Variants in CACNA2D3 observed in about 807,000 individuals in gnomAD.
The protein encoded by CACNA2D3 is voltage-dependent calcium channel subunit alpha-2/delta-3.
In CACNA2D3, 60 loss-of-function variants were observed where a neutral mutation model predicts 160.6. The observed-to-expected ratio is 0.37, with a 90% CI of 0.30 to 0.46. The LOEUF is 0.46. Among genes scored for constraint, CACNA2D3 ranks in the 20% least tolerant of loss-of-function variants. The probability of loss-of-function intolerance (pLI) is 1.00; values close to 1 mark genes in which losing one functional copy is unlikely to be tolerated. For synonymous variants in CACNA2D3, 558 were observed against 492.9 expected, an observed-to-expected ratio of 1.13 and a Z score of -1.75; for missense variants, 1,205 against 1,365.0, an observed-to-expected ratio of 0.88 and a Z score of 1.85.
chr3:55,074,361 C>A lies in CACNA2D3; in HGVS notation c.*155C>A. ...GATTTTAAACTGTGCGTGATATAAA[C>A]TCTTAAAGATATGTTGACAAAAAGT... On this transcript the variant is annotated 3_prime_UTR_variant, in exon 38 of 38. Transcript: ENST00000474759. 1.6e-6 allele frequency: 1 copy of A among 628,324 alleles called. No individual in the cohort carries two copies. Among genetic ancestry groups the A allele is most frequent in the Middle Eastern group, 2.6e-4 (1 of 3,904 alleles). 38.9% of individuals were successfully genotyped at this position (628,324 alleles called of 1,614,324 possible).
At chr3:54,509,561 C>G (rs1209351651) in intron 5 of CACNA2D3, among the ~76,000 whole-genome samples, 1 of 152,088 alleles carries the variant, frequency 6.6e-6, no homozygotes, top group African/African-American at 2.4e-5. Context: ...TGCTCTGGAC[C>G]TAGAGAAATA....
chr3:54,589,032 G>A (rs2106752412), intron 9 of CACNA2D3, among the ~76,000 whole-genome samples: 1 of 152,010 alleles, frequency 6.6e-6, no homozygotes, highest in Middle Eastern at 3.4e-3. Flanking sequence ...GTATTCTAGA[G>A]TTTACCTAGG....
chr3:54,570,331 A>T (rs1473418209), intron 8 of CACNA2D3, among the ~76,000 whole-genome samples: 2 of 152,138 alleles, frequency 1.3e-5, no homozygotes, highest in Non-Finnish European at 2.9e-5. Flanking sequence ...CCACACAGCC[A>T]CACCGCCACA....
At chr3:54,138,839 T>C (rs546130324) in intron 2 of CACNA2D3, among the ~76,000 whole-genome samples, 5 of 152,354 alleles carry the variant, frequency 3.3e-5, no homozygotes, top group African/African-American at 1.2e-4. Context: ...TGTGTTTGTT[T>C]TTTGTTTTCT....
intron 4 of CACNA2D3, among the ~76,000 whole-genome samples, chr3:54,493,590 C>A (rs905413424): frequency 1.3e-5 from 2 of 152,168 alleles, no homozygotes; most frequent in African/African-American, 4.8e-5. Context: ...TATGCCTTTA[C>A]TTCTCCTGTC....
intron 31 of CACNA2D3, among the ~76,000 whole-genome samples, chr3:54,990,624 C>T (rs953199004): frequency 2.6e-5 from 4 of 152,304 alleles, no homozygotes; most frequent in Admixed American, 1.3e-4. Context: ...AAGAGGAGAG[C>T]ACTACCTCCC....
At chr3:54,556,772 A>G (rs1378873840) in intron 5 of CACNA2D3, among the ~76,000 whole-genome samples, 1 of 152,200 alleles carries the variant, frequency 6.6e-6, no homozygotes, top group Non-Finnish European at 1.5e-5. Flanking sequence ...ACAAGTGACC[A>G]TAAGAAAACA....
At chr3:54,295,058 G>A (rs563905734) in intron 2 of CACNA2D3, among the ~76,000 whole-genome samples, 1 of 152,170 alleles carries the variant, frequency 6.6e-6, no homozygotes, top group African/African-American at 2.4e-5. Context: ...CCAGTCAAAG[G>A]CTGTATGGAT....
Position 54,846,272 on chromosome 3 carries a change from C to T in CACNA2D3, c.1552-121C>T, listed in dbSNP as rs1256827833. ...GCATTCATTTTAATGAAATATTGTG[C>T]TGATAAGGGTTATGAATGACAAGTT... On this transcript the variant is annotated intron_variant, in intron 16 of 37. Coordinates refer to ENST00000474759, the MANE Select transcript of CACNA2D3 (RefSeq NM_018398.3). The T allele has an allele frequency of 8.9e-6, 5 of 559,664 alleles. 1 individual carries two copies. The highest frequency in any genetic ancestry group is 8.9e-5 in the East Asian group (3 of 33,642). The allele number at this position is 559,664 out of a possible 1,614,324, so 34.7% of individuals were successfully genotyped here.
intron 4 of CACNA2D3, among the ~76,000 whole-genome samples, chr3:54,398,217 A>C (rs1257102055): frequency 2.3e-5 from 3 of 128,636 alleles, no homozygotes; most frequent in African/African-American, 8.8e-5. Context: ...GTGTCTCTGC[A>C]CGTGAGATGG....
chr3:54,211,793 AAAG>A (rs1462752501), intron 2 of CACNA2D3, among the ~76,000 whole-genome samples: 1 of 152,226 alleles, frequency 6.6e-6, no homozygotes, highest in Non-Finnish European at 1.5e-5. Context: ...ACTGTTATTT[AAAG>A]ATATGTAAGA....
At chr3:54,249,847 A>C (rs976590951) in intron 2 of CACNA2D3, among the ~76,000 whole-genome samples, 1 of 151,988 alleles carries the variant, frequency 6.6e-6, no homozygotes, top group African/African-American at 2.4e-5. Flanking sequence ...ACCCTAGATA[A>C]CTATAGACAA....
chr3:54,320,406 G>C (rs770834623), intron 2 of CACNA2D3, 36 bp from the exon 3 acceptor site: 7 of 1,060,792 alleles, frequency 6.6e-6, no homozygotes, highest in Middle Eastern at 2.0e-4. Context: ...GTTTTACGGT[G>C]TCATGTGTCT....
At chr3:54,494,344 G>A (rs1701169380) in intron 4 of CACNA2D3, among the ~76,000 whole-genome samples, 2 of 152,184 alleles carry the variant, frequency 1.3e-5, no homozygotes, top group African/African-American at 4.8e-5. Flanking sequence ...GGTTTGGGGA[G>A]GAGAAGCAGA....
chr3:55,050,276 G>A (rs562081598), intron 35 of CACNA2D3, among the ~76,000 whole-genome samples: 6 of 151,500 alleles, frequency 4.0e-5, no homozygotes, highest in African/African-American at 1.5e-4. Context: ...GCTTCCTTCA[G>A]GAGCTCTTGT....
chr3:54,678,101 G>T (rs151218432), intron 11 of CACNA2D3, among the ~76,000 whole-genome samples: 4 of 152,266 alleles, frequency 2.6e-5, no homozygotes, highest in African/African-American at 9.6e-5. Context: ...AATCTAAGGG[G>T]TCTGGAAAAA....
intron 5 of CACNA2D3, among the ~76,000 whole-genome samples, chr3:54,515,830 A>C (rs1701541442): frequency 6.6e-6 from 1 of 152,232 alleles, no homozygotes; most frequent in African/African-American, 2.4e-5. Flanking sequence ...CACACTGGAA[A>C]CTGGGATTAG....
intron 34 of CACNA2D3, among the ~76,000 whole-genome samples, chr3:55,017,824 C>T (rs1191893738): frequency 6.6e-6 from 1 of 152,184 alleles, no homozygotes; most frequent in East Asian, 1.9e-4. Context: ...GCAATTGTAT[C>T]ATGACCTTTG....
At chr3:54,441,752 A>T (rs1302921808) in intron 4 of CACNA2D3, among the ~76,000 whole-genome samples, 1 of 152,224 alleles carries the variant, frequency 6.6e-6, no homozygotes, top group Admixed American at 6.5e-5. Flanking sequence ...AACATTTCTA[A>T]GTGCCTTTTA....
Sources: gnomAD v4.1 joint callset for allele counts (sites outside exome capture counted in the v4.1 genomes callset) on GRCh38, gnomAD v4.1.1 for gene constraint, MANE v1.5 for transcripts, NCBI Gene and HGNC (gene_info 2026-07-23, HGNC 2026-07-21) for gene names.